Variants in DYNC2I1 observed in about 807,000 individuals in gnomAD.
DYNC2I1 encodes the protein cytoplasmic dynein 2 intermediate chain 1.
Under a neutral mutation model 133.4 loss-of-function variants are expected in DYNC2I1, and 89 were observed. That is an observed-to-expected ratio of 0.67 (90% CI 0.56 to 0.80). The LOEUF (loss-of-function observed/expected upper bound fraction) is 0.80. Ranked by LOEUF, DYNC2I1 falls within the 30% of genes least tolerant of loss-of-function variation. The pLI is 0.00. For synonymous variants in DYNC2I1, 504 were observed against 484.3 expected (o/e 1.04, Z -0.54); for missense variants, 1,291 against 1,314.5 (o/e 0.98, Z 0.28).
chr7:158,886,066 CTT>C (rs764558393), intron 6 of DYNC2I1, among the ~76,000 whole-genome samples: 72 of 148,398 alleles, frequency 4.9e-4, no homozygotes, highest in Non-Finnish European at 8.8e-4. Flanking sequence ...TTATATATAT[CTT>C]TTATATTTAA....
intron 11 of DYNC2I1, among the ~76,000 whole-genome samples, chr7:158,907,454 T>C (rs1048487871): frequency 1.3e-5 from 2 of 152,142 alleles, no homozygotes; most frequent in African/African-American, 4.8e-5. Context: ...AAATTCAGTC[T>C]AGTGATTGTT....
chr7:158,928,766 G>A (rs1195258994), intron 20 of DYNC2I1, among the ~76,000 whole-genome samples: 1 of 112,406 alleles, frequency 8.9e-6, no homozygotes, highest in African/African-American at 2.8e-5. Flanking sequence ...GTGATGGGGC[G>A]AGACCCACAT....
At chr7:158,907,107 G>A (rs1846900324) in intron 11 of DYNC2I1, among the ~76,000 whole-genome samples, 1 of 151,622 alleles carries the variant, frequency 6.6e-6, no homozygotes, top group African/African-American at 2.4e-5. Context: ...GCACTGAGCT[G>A]TGGCTGCACC....
chr7:158,950,707 A>G (rs1016693147), downstream of DYNC2I1, among the ~76,000 whole-genome samples: 11 of 149,652 alleles, frequency 7.4e-5, no homozygotes, highest in African/African-American at 2.7e-4. Flanking sequence ...CAGCCTCTAT[A>G]TGATTCCAGG....
chr7:158,873,959 A>G (rs1160412856), intron 3 of DYNC2I1, among the ~76,000 whole-genome samples: 2 of 152,062 alleles, frequency 1.3e-5, no homozygotes, highest in East Asian at 1.9e-4. Flanking sequence ...GGGTTTCACC[A>G]TGTTGGCCAG....
intron 1 of DYNC2I1, among the ~76,000 whole-genome samples, chr7:158,863,870 G>C (rs1160885869): frequency 7.5e-6 from 1 of 133,384 alleles, no homozygotes; most frequent in Non-Finnish European, 1.6e-5. Context: ...GTGTTGGAGG[G>C]GGGAGCGGGA....
chr7:158,950,173 C>T (rs138223159), downstream of DYNC2I1, among the ~76,000 whole-genome samples: 1,836 of 152,280 alleles, frequency 0.012, 16 homozygotes, highest in Non-Finnish European at 0.018. Context: ...AAGTGATTCT[C>T]GTGCTCCAGC....
intron 8 of DYNC2I1, among the ~76,000 whole-genome samples, chr7:158,899,720 T>C (rs1289637237): frequency 6.6e-6 from 1 of 152,210 alleles, no homozygotes; most frequent in Non-Finnish European, 1.5e-5. Flanking sequence ...TTTCTGCTTT[T>C]GCCTCTTCCT....
intron 3 of DYNC2I1, among the ~76,000 whole-genome samples, chr7:158,875,554 T>C (rs542872262): frequency 6.6e-6 from 1 of 152,330 alleles, no homozygotes; most frequent in East Asian, 1.9e-4. Flanking sequence ...TGGATGATGC[T>C]TTGGTGTCAT....
In DYNC2I1 at chr7:158,860,350, C is replaced by T. The variant is rs377641483; in HGVS notation, c.15+3600C>T. 5.0e-3 allele frequency among the ~76,000 whole-genome samples: 765 copies of T among 152,338 alleles called. 7 individuals carry two copies. Among genetic ancestry groups the T allele is most frequent in the African/African-American group, 0.018 (733 of 41,582 alleles). ...CTGGGATTACAGGCGTGAGCCATCT[C>T]ACCCCGCTGGTATTATAGCTTTTAG... On this transcript the variant is annotated intron_variant, in intron 1 of 24. Transcript: ENST00000407559.
Position 158,856,667 on chromosome 7 carries a change from G to A in DYNC2I1, c.-69G>A. 4.1e-6 allele frequency: 5 copies of A among 1,228,772 alleles called. No homozygotes were observed. The highest frequency in any genetic ancestry group is 5.1e-6 in the Non-Finnish European group (5 of 984,420). 76.1% of individuals were successfully genotyped at this position (1,228,772 alleles called of 1,614,324 possible). On this transcript the variant is annotated 5_prime_UTR_variant, in exon 1 of 25. Coordinates refer to ENST00000407559, the MANE Select transcript of DYNC2I1 (RefSeq NM_018051.5). The stretch of plus-strand genomic sequence containing the variant: ...TCCCGAAGGGTGCGGGGCACAGGTG[G>A]CCTCTTCGGGGTGGACCGCGCCTGG...
chr7:158,889,630 A>G (rs562737817), intron 7 of DYNC2I1, among the ~76,000 whole-genome samples: 1 of 152,122 alleles, frequency 6.6e-6, no homozygotes, highest in African/African-American at 2.4e-5. Context: ...ATTTTTATTG[A>G]AAAAAATAGG....
At chr7:158,892,063 G>A (rs1166572448) in intron 8 of DYNC2I1, among the ~76,000 whole-genome samples, 2 of 152,174 alleles carry the variant, frequency 1.3e-5, no homozygotes, top group African/African-American at 4.8e-5. Context: ...GCCCCAGTGT[G>A]GTTCTAGCTC....
chr7:158,847,181 C>T, the DYNC2I1 span, among the ~76,000 whole-genome samples: 3 of 152,148 alleles, frequency 2.0e-5, no homozygotes, highest in African/African-American at 7.2e-5. Context: ...ATCTTAAAGT[C>T]ATGTAATGTT....
chr7:158,904,843 ACACC>A (rs1846601722), intron 10 of DYNC2I1: 1 of 232,424 alleles, frequency 4.3e-6, no homozygotes, highest in Non-Finnish European at 8.5e-6. Flanking sequence ...CTCCAGAGCC[ACACC>A]CTCTGCATTG....
intron 21 of DYNC2I1, among the ~76,000 whole-genome samples, chr7:158,931,817 G>A (rs554306330): frequency 1.1e-4 from 16 of 152,346 alleles, no homozygotes; most frequent in Non-Finnish European, 1.9e-4. Flanking sequence ...AGCATCCTCC[G>A]TCAAGGTGCT....
At chr7:158,862,152 A>T (rs1054391127) in intron 1 of DYNC2I1, among the ~76,000 whole-genome samples, 1 of 152,122 alleles carries the variant, frequency 6.6e-6, no homozygotes, top group African/African-American at 2.4e-5. Context: ...TCCACTCTGT[A>T]ATTCTGAGAA....
chr7:158,936,201 C>CA (rs1339519468), intron 23 of DYNC2I1, among the ~76,000 whole-genome samples: 1 of 151,918 alleles, frequency 6.6e-6, no homozygotes, highest in Non-Finnish European at 1.5e-5. Flanking sequence ...AAAACAAAAA[C>CA]AAAAAAAGTC....
intron 1 of DYNC2I1, among the ~76,000 whole-genome samples, chr7:158,865,702 TTGG>T (rs1274134461): frequency 6.6e-6 from 1 of 152,152 alleles, no homozygotes; most frequent in Non-Finnish European, 1.5e-5. Flanking sequence ...ACTTTGCCCT[TTGG>T]TTCCATACTT....
Sources: gnomAD v4.1 joint callset for allele counts (sites outside exome capture counted in the v4.1 genomes callset) on GRCh38, gnomAD v4.1.1 for gene constraint, MANE v1.5 for transcripts, NCBI Gene and HGNC (gene_info 2026-07-23, HGNC 2026-07-21) for gene names.